MAPKAPK3: variants seen among roughly 807,000 people sequenced by gnomAD.
MAPKAPK3 encodes the protein MAPK activated protein kinase 3, also known as MAP kinase-activated protein kinase 3.
MAPKAPK3 carries 35 observed loss-of-function variants against 49.2 expected under a neutral mutation model. That is an observed-to-expected ratio of 0.71 (90% CI 0.54 to 0.94). The LOEUF (loss-of-function observed/expected upper bound fraction) is 0.94. Ranked by LOEUF, MAPKAPK3 falls within the 40% of genes least tolerant of loss-of-function variation. The pLI is 0.00. For missense variants in MAPKAPK3, 398 were observed against 493.1 expected (o/e 0.81, Z 1.83); for synonymous variants, 178 against 188.7 (o/e 0.94, Z 0.46).
chr3:50,625,036 C>T (rs2107578303), intron 2 of MAPKAPK3, among the ~76,000 whole-genome samples: 1 of 152,304 alleles, frequency 6.6e-6, no homozygotes, highest in African/African-American at 2.4e-5. Context: ...GAACAGTGCT[C>T]TCGGCTTAAA....
At chr3:50,611,644 G>A (rs1167039251), upstream of MAPKAPK3, 1 of 1,499,474 alleles carries the variant, frequency 6.7e-7, no homozygotes, top group Non-Finnish European at 8.9e-7. Flanking sequence ...TGAACGCAGA[G>A]GACCATGTCC....
chr3:50,627,627 G>A (rs569321956), intron 2 of MAPKAPK3, among the ~76,000 whole-genome samples: 114 of 152,252 alleles, frequency 7.5e-4, no homozygotes, highest in African/African-American at 2.6e-3. Flanking sequence ...AGTCACTGCC[G>A]CCTAGTCTCG....
chr3:50,633,085 A>G lies in MAPKAPK3; in HGVS notation c.220-7281A>G, dbSNP rs2032951792. Among the ~76,000 whole-genome samples the G allele has an allele frequency of 3.8e-4, 5 of 13,288 alleles. No homozygotes were observed. In the Admixed American group the frequency reaches 7.6e-3, roughly 20 times the overall value. 8.7% of individuals were successfully genotyped at this position (13,288 alleles called of 152,430 possible). A position where few individuals can be genotyped will look rare whatever the true frequency, so the allele number is the denominator to read the frequency against. On this transcript the variant is annotated intron_variant, in intron 2 of 10. Transcript: ENST00000621469. ...GCAACAAGAAATGTTAGGCCCTGCC[A>G]TGGTGACCAGTGGGAGAGGAGGTCT...
At position 50,617,794 on chromosome 3, in the gene MAPKAPK3, C is replaced by A. The variant is rs751303152; in HGVS notation, c.219+10C>A. The stretch of plus-strand genomic sequence containing the variant: ...GAAGTGTGCCCTGAAGGTCAGTGAG[C>A]CCTCACTGAGGCCTGGGGTATCCTG... On this transcript the variant is annotated intron_variant, in intron 2 of 10. Coordinates refer to ENST00000621469, the MANE Select transcript of MAPKAPK3 (RefSeq NM_001243925.2). 1 of 1,601,996 alleles carries A rather than the reference C, an allele frequency of 6.2e-7. No individual in the cohort carries two copies. Among genetic ancestry groups the A allele is most frequent in the Non-Finnish European group, 8.5e-7 (1 of 1,169,886 alleles).
Position 50,646,755 on chromosome 3 carries a change from G to T in MAPKAPK3, c.845G>T (p.Arg282Leu), listed in dbSNP as rs747366676. 1 of 1,613,986 alleles carries T rather than the reference G, an allele frequency of 6.2e-7. No individual in the cohort carries two copies. The highest frequency in any genetic ancestry group is 2.2e-5 in the East Asian group (1 of 44,854). ...GCCCCCCTAGCCAAGCAGCTGATCC[G>T]CCTCCTGTTGAAGACAGACCCCACA... ...EVSEDAKQLI[R>L]LLLKTDPTER... Residue 282 changes from arginine (R) to leucine (L), a missense_variant, in exon 9 of 11, where the codon CGC becomes CTC. By Grantham distance (102) the Arg-to-Leu change is moderately radical. This residue lies in a region of MAPKAPK3 where 152 missense variants were observed against 177.3 expected (regional missense o/e 0.86). Coordinates refer to ENST00000621469, the MANE Select transcript of MAPKAPK3 (RefSeq NM_001243925.2).
At chr3:50,647,276 C>G in intron 10 of MAPKAPK3, 73 bp downstream of exon 10, 2 of 1,313,348 alleles carry the variant, frequency 1.5e-6, no homozygotes, top group Non-Finnish European at 2.1e-6. Flanking sequence ...GGGGTGGCTA[C>G]CCAGGGTCTG....
chr3:50,619,667 T>A (rs1376585132), intron 2 of MAPKAPK3, among the ~76,000 whole-genome samples: 1 of 152,156 alleles, frequency 6.6e-6, no homozygotes, highest in Non-Finnish European at 1.5e-5. Flanking sequence ...GGGCCAAGAC[T>A]GAGCTCTGAC....
intron 10 of MAPKAPK3, among the ~76,000 whole-genome samples, chr3:50,647,492 G>A (rs1401504372): frequency 2.0e-5 from 3 of 152,256 alleles, no homozygotes; most frequent in Non-Finnish European, 4.4e-5. Context: ...TGGTCAGCCT[G>A]GTTTAGACCC....
chr3:50,646,359 A>G (rs1559491095), intron 8 of MAPKAPK3, 95 bp downstream of exon 8: 15 of 1,556,514 alleles, frequency 9.6e-6, no homozygotes, highest in Non-Finnish European at 1.3e-5. Context: ...CCTGTGTTCA[A>G]ATCTTGGCTC....
chr3:50,611,577 T>C (rs1232114571), upstream of MAPKAPK3: 1 of 1,525,888 alleles, frequency 6.6e-7, no homozygotes, highest in Non-Finnish European at 8.8e-7. Context: ...GAAGCCCCTG[T>C]TCTCCCGTGC....
intron 2 of MAPKAPK3, among the ~76,000 whole-genome samples, chr3:50,635,022 G>A (rs2033000542): frequency 1.3e-5 from 2 of 152,192 alleles, no homozygotes; most frequent in Non-Finnish European, 2.9e-5. Flanking sequence ...TATAGCCCAA[G>A]CCCTACAGCT....
At chr3:50,638,431 C>G (rs2033092995) in intron 2 of MAPKAPK3, among the ~76,000 whole-genome samples, 1 of 152,118 alleles carries the variant, frequency 6.6e-6, no homozygotes, top group African/African-American at 2.4e-5. Flanking sequence ...CGGGCACTAA[C>G]CTGAGGGGTG....
chr3:50,626,463 G>A (rs2032745778), intron 2 of MAPKAPK3, among the ~76,000 whole-genome samples: 1 of 152,152 alleles, frequency 6.6e-6, no homozygotes, highest in Admixed American at 6.5e-5. Context: ...TACATTCAGG[G>A]GCCTGAGGGA....
chr3:50,619,184 A>G (rs1016280694), intron 2 of MAPKAPK3, among the ~76,000 whole-genome samples: 1 of 152,248 alleles, frequency 6.6e-6, no homozygotes, highest in Non-Finnish European at 1.5e-5. Flanking sequence ...CACTTGGTAC[A>G]GGACCTGATA....
intron 2 of MAPKAPK3, among the ~76,000 whole-genome samples, chr3:50,639,742 C>G (rs2033129504): frequency 2.0e-5 from 3 of 152,114 alleles, no homozygotes; most frequent in Admixed American, 2.0e-4. Context: ...CACTCCAGCA[C>G]TCTCCTGATC....
At chr3:50,611,970 C>T (rs1404759066) in exon 1 of MAPKAPK3, 1 of 394,720 alleles carries the variant, frequency 2.5e-6, no homozygotes, top group Non-Finnish European at 4.5e-6. Flanking sequence ...GGGCCCTGAG[C>T]AGTGAAAGGA....
At chr3:50,642,686 A>G (rs917902308) in intron 5 of MAPKAPK3, among the ~76,000 whole-genome samples, 1 of 152,234 alleles carries the variant, frequency 6.6e-6, no homozygotes, top group Non-Finnish European at 1.5e-5. Flanking sequence ...GAGGAAAACA[A>G]GGCTCAGAAA....
intron 6 of MAPKAPK3, 107 bp downstream of exon 6, chr3:50,644,639 G>A (rs1414636372): frequency 8.2e-7 from 1 of 1,212,942 alleles, no homozygotes; most frequent in Non-Finnish European, 1.1e-6. Context: ...CCAGCAAGGA[G>A]GGAGGGGGAG....
intron 2 of MAPKAPK3, among the ~76,000 whole-genome samples, chr3:50,629,360 C>T (rs1576002937): frequency 6.6e-6 from 1 of 152,046 alleles, no homozygotes; most frequent in East Asian, 1.9e-4. Context: ...TCAGGAAGAC[C>T]CAGGGGAATC....
Sources: allele counts gnomAD v4.1 joint callset (sites outside exome capture counted in the v4.1 genomes callset), GRCh38; gene constraint gnomAD v4.1.1; regional missense constraint gnomAD v4.1.1; transcripts MANE v1.5; gene names NCBI Gene and HGNC (gene_info 2026-07-23, HGNC 2026-07-21).